Variants in NRTN observed in about 807,000 individuals in gnomAD.
The protein encoded by NRTN is prepro-neurturin.
In NRTN, 3 loss-of-function variants were observed where a neutral mutation model predicts 7.5. That is an observed-to-expected ratio of 0.40 (90% confidence interval 0.18 to 1.03). The LOEUF is 1.03. NRTN is among the 50% of genes least tolerant of loss of function. The probability of loss-of-function intolerance (pLI) is 0.34; values close to 1 mark genes in which losing one functional copy is unlikely to be tolerated. For missense variants in NRTN, 310 were observed against 307.0 expected (o/e 1.01, Z -0.07); for synonymous variants, 157 against 146.6 (o/e 1.07, Z -0.51).
intron 2 of NRTN, among the ~76,000 whole-genome samples, chr19:5,825,950 CTG>C (rs936781240): frequency 1.4e-4 from 21 of 152,166 alleles, no homozygotes; most frequent in Non-Finnish European, 1.5e-5. Flanking sequence ...CTGGCTAACA[CTG>C]TGAAACCCTG....
chr19:5,808,015 C>T (rs187879544), intron 1 of NRTN, among the ~76,000 whole-genome samples: 11 of 152,262 alleles, frequency 7.2e-5, no homozygotes, highest in East Asian at 5.8e-4. Flanking sequence ...CCCAGGAGGT[C>T]GAGGCCGCTG....
At chr19:5,813,999 C>T (rs2056997974) in intron 1 of NRTN, among the ~76,000 whole-genome samples, 1 of 152,050 alleles carries the variant, frequency 6.6e-6, no homozygotes. Context: ...CAGAGCCAGA[C>T]TCCGTCTCAA....
At chr19:5,812,524 A>C (rs1448040819) in intron 1 of NRTN, among the ~76,000 whole-genome samples, 3 of 152,214 alleles carry the variant, frequency 2.0e-5, no homozygotes, top group Middle Eastern at 3.2e-3. Flanking sequence ...CCGCAGACGC[A>C]GTATCGGAAC....
chr19:5,824,847 C>T (rs1236955135), intron 2 of NRTN, among the ~76,000 whole-genome samples: 1 of 152,020 alleles, frequency 6.6e-6, no homozygotes, highest in Non-Finnish European at 1.5e-5. Context: ...GCAAATTCCC[C>T]CAATGGCCTG....
chr19:5,817,108 G>A (rs556201981), intron 1 of NRTN, among the ~76,000 whole-genome samples: 18 of 151,824 alleles, frequency 1.2e-4, no homozygotes, highest in East Asian at 1.2e-3. Context: ...AGGCTGAGGC[G>A]GGAGGATTGC....
chr19:5,815,382 TAAC>T (rs1234708555), intron 1 of NRTN, among the ~76,000 whole-genome samples: 1 of 151,542 alleles, frequency 6.6e-6, no homozygotes, highest in Non-Finnish European at 1.5e-5. Flanking sequence ...CACGTGGATA[TAAC>T]GTTTCACCAC....
intron 2 of NRTN, 26 bp from the exon 3 acceptor site, chr19:5,827,723 C>A (rs775932508): frequency 9.7e-5 from 113 of 1,164,820 alleles, no homozygotes; most frequent in Non-Finnish European, 1.1e-4. Flanking sequence ...ACTGACCCCC[C>A]CTCCTTTCTC....
Position 5,824,333 on chromosome 19 carries a change from G to T in NRTN, c.168G>T (p.Gln56His). The part of the protein sequence containing the change: ...TLDARIARLA[Q>H]YRALLQGAPD... ...ACGCCCGGATTGCCCGCCTGGCCCA[G>T]TGTAAGCTCCTCCTCTGTGTGGGGT... The change falls in exon 2 of 3, where the codon CAG becomes CAT. Residue 56 changes from glutamine (Q) to histidine (H), a missense_variant and splice_region_variant. Physicochemically the swap from Gln to His is conservative, Grantham distance 24 (BLOSUM62 0). Coordinates refer to ENST00000303212, the MANE Select transcript of NRTN (RefSeq NM_004558.5). The T allele has an allele frequency of 6.3e-7, 1 of 1,599,558 alleles. No individual in the cohort carries two copies. Among genetic ancestry groups the T allele is most frequent in the Non-Finnish European group, 8.5e-7 (1 of 1,175,342 alleles).
intron 1 of NRTN, among the ~76,000 whole-genome samples, chr19:5,816,873 G>C (rs900875065): frequency 6.6e-6 from 1 of 152,222 alleles, no homozygotes; most frequent in African/African-American, 2.4e-5. Context: ...GGTCATGTTT[G>C]AGTGTGACTG....
intron 2 of NRTN, among the ~76,000 whole-genome samples, chr19:5,826,092 G>C (rs182399305): frequency 1.3e-5 from 2 of 151,422 alleles, no homozygotes; most frequent in African/African-American, 4.9e-5. Flanking sequence ...CCGAGATCGC[G>C]CCACTGCACT....
At chr19:5,825,136 G>GGGGTGGA (rs1484111985) in intron 2 of NRTN, among the ~76,000 whole-genome samples, 1 of 152,108 alleles carries the variant, frequency 6.6e-6, no homozygotes. Context: ...GGGGTGAGGA[G>GGGGTGGA]GGGTGGAGAG....
intron 1 of NRTN, among the ~76,000 whole-genome samples, chr19:5,811,840 C>T (rs146477943): frequency 7.9e-5 from 12 of 151,370 alleles, no homozygotes; most frequent in East Asian, 7.8e-4. Context: ...TGTGAGCCAC[C>T]GCACCCGGCC....
rs1341662619 is a variant in NRTN at position 5,805,339 on chromosome 19, G to T, written c.-511G>T. ...CGCCCGCGGCCGCCCCCTCCGGCCC[G>T]GGCCCCCCCCGGGCACCGCGGGCCC... On this transcript the variant is annotated 5_prime_UTR_variant, in exon 1 of 3. Transcript: ENST00000303212. Among the ~76,000 whole-genome samples the T allele has an allele frequency of 1.4e-5, 2 of 145,542 alleles. No individual in the cohort carries two copies. Among genetic ancestry groups the T allele is most frequent in the Non-Finnish European group, 3.0e-5 (2 of 65,808 alleles).
chr19:5,820,468 A>T (rs2057020124), intron 1 of NRTN, among the ~76,000 whole-genome samples: 1 of 150,888 alleles, frequency 6.6e-6, no homozygotes, highest in African/African-American at 2.4e-5. Context: ...CTGGAGGCTG[A>T]GGCAGGAGAA....
chr19:5,828,028 A>G lies in NRTN; in HGVS notation c.449A>G (p.Gln150Arg). 7.0e-7 allele frequency: 1 copy of G among 1,420,404 alleles called. No individual in the cohort carries two copies. Among genetic ancestry groups the G allele is most frequent in the East Asian group, 3.0e-5 (1 of 33,108 alleles). The allele number at this position is 1,420,404 out of a possible 1,614,324, so 88.0% of individuals were successfully genotyped here. The change falls in exon 3 of 3, where the codon CAG (glutamine) becomes CGG (arginine). Residue 150 changes from glutamine to arginine, a missense_variant. Coordinates refer to ENST00000303212, the MANE Select transcript of NRTN (RefSeq NM_004558.5). ...GACCTCGGGCTGCGACGACTGCGCC[A>G]GCGGCGGCGCCTGCGGCGGGAGCGG... ...VYDLGLRRLR[Q>R]RRRLRRERVR...
At position 5,827,888 on chromosome 19, in the gene NRTN, C is replaced by A; in HGVS notation, c.309C>A (p.Cys103Ter). Residue 103 changes from cysteine (C) to a stop codon, truncating the protein, a stop_gained, in exon 3 of 3, where the codon TGC (cysteine) becomes TGA (stop). Transcript: ENST00000303212. LOFTEE classifies it low-confidence loss of function (END_TRUNC). ...RARARLGARP[C>*]GLRELEVRVS... ...GTGCGCGGTTGGGGGCGCGGCCTTG[C>A]GGGCTGCGCGAGCTGGAGGTGCGCG... The A allele has an allele frequency of 7.3e-7, 1 of 1,376,512 alleles. No individual in the cohort carries two copies. The highest frequency in any genetic ancestry group is 9.4e-7 in the Non-Finnish European group (1 of 1,060,992). 85.3% of individuals were successfully genotyped at this position (1,376,512 alleles called of 1,614,324 possible).
At chr19:5,827,515 G>A (rs77571584) in intron 2 of NRTN, among the ~76,000 whole-genome samples, 4,353 of 151,280 alleles carry the variant, frequency 0.029, 72 homozygotes, top group Middle Eastern at 0.11. Flanking sequence ...AAGGGGTTTT[G>A]GACCAGCGTA....
chr19:5,809,697 G>T (rs990582027), intron 1 of NRTN, among the ~76,000 whole-genome samples: 1 of 152,150 alleles, frequency 6.6e-6, no homozygotes, highest in Non-Finnish European at 1.5e-5. Context: ...GCGGAACCCA[G>T]CCGGGCACTC....
chr19:5,807,442 G>A (rs571705301), intron 1 of NRTN, among the ~76,000 whole-genome samples: 7 of 152,316 alleles, frequency 4.6e-5, no homozygotes, highest in South Asian at 2.1e-4. Flanking sequence ...GGTGGTGGCC[G>A]GGGGTTGGGG....
Sources: gnomAD v4.1 joint callset for allele counts (sites outside exome capture counted in the v4.1 genomes callset) on GRCh38, gnomAD v4.1.1 for gene constraint, MANE v1.5 for transcripts, NCBI Gene and HGNC (gene_info 2026-07-23, HGNC 2026-07-21) for gene names.